HIGD1C: variants seen among roughly 807,000 people sequenced by gnomAD.
The protein encoded by HIGD1C is HIG1 hypoxia inducible domain family member 1C.
In HIGD1C, 11 loss-of-function variants were observed where a neutral mutation model predicts 13.1. The ratio of observed to expected loss-of-function variants is 0.84; its 90% CI spans 0.53 to 1.39. The LOEUF (loss-of-function observed/expected upper bound fraction) is 1.39, where lower values mean the gene tolerates loss of function less well. Ranked by LOEUF, HIGD1C falls within the 40% of genes most tolerant of loss-of-function variation. The pLI is 0.00. For missense variants in HIGD1C, 110 were observed against 112.0 expected, an observed-to-expected ratio of 0.98 and a Z score of 0.08; for synonymous variants, 36 against 37.7, an observed-to-expected ratio of 0.95 and a Z score of 0.17.
At chr12:50,937,819 T>C in the HIGD1C span, among the ~76,000 whole-genome samples, 1 of 152,142 alleles carries the variant, frequency 6.6e-6, no homozygotes, top group Non-Finnish European at 1.5e-5. Context: ...GTAGCTGCTA[T>C]CTGCAGGCAG....
At chr12:50,950,748 C>T (rs2139775086), upstream of HIGD1C, among the ~76,000 whole-genome samples, 1 of 146,562 alleles carries the variant, frequency 6.8e-6, no homozygotes, top group African/African-American at 2.5e-5. Context: ...GCCATCTCAG[C>T]TCAGTGCAAC....
chr12:50,970,493 A>G, exon 3 of HIGD1C: 1 of 1,531,366 alleles, frequency 6.5e-7, no homozygotes, highest in South Asian at 1.2e-5. Flanking sequence ...TTCTTCAGTG[A>G]GTCCAAAAAA....
At chr12:50,942,178 G>A in the HIGD1C span, among the ~76,000 whole-genome samples, 1 of 152,102 alleles carries the variant, frequency 6.6e-6, no homozygotes, top group African/African-American at 2.4e-5. Flanking sequence ...CACCGCACCC[G>A]GCCCATGTTC....
downstream of HIGD1C, among the ~76,000 whole-genome samples, chr12:50,971,562 A>G (rs1939762073): frequency 2.0e-5 from 3 of 152,212 alleles, no homozygotes; most frequent in Admixed American, 1.3e-4. Flanking sequence ...ACCAAAGCAG[A>G]TGTTAAAGGT....
chr12:50,939,587 G>A, the HIGD1C span, among the ~76,000 whole-genome samples: 2 of 152,166 alleles, frequency 1.3e-5, no homozygotes, highest in Non-Finnish European at 2.9e-5. Flanking sequence ...GCTTTGTGGT[G>A]CAGTGGAAAA....
At chr12:50,933,332 GAGAA>G in the HIGD1C span, among the ~76,000 whole-genome samples, 1 of 152,108 alleles carries the variant, frequency 6.6e-6, no homozygotes, top group Admixed American at 6.5e-5. Flanking sequence ...GTGCAAAAGG[GAGAA>G]AGAAAAAAAG....
At chr12:50,952,554 C>T (rs1485180965), upstream of HIGD1C, among the ~76,000 whole-genome samples, 1 of 152,174 alleles carries the variant, frequency 6.6e-6, no homozygotes, top group Non-Finnish European at 1.5e-5. Context: ...ACCACCGACC[C>T]ACCTCAAGAG....
intron 2 of HIGD1C, 103 bp from the exon 5 acceptor site, chr12:50,970,339 C>A: frequency 1.4e-6 from 1 of 710,200 alleles, no homozygotes; most frequent in Non-Finnish European, 2.5e-6. Flanking sequence ...TTGTTTGTTT[C>A]TGTTTAAATT....
the HIGD1C span, among the ~76,000 whole-genome samples, chr12:50,944,686 A>G: frequency 6.6e-6 from 1 of 152,180 alleles, no homozygotes; most frequent in African/African-American, 2.4e-5. Flanking sequence ...CAGGAGTTTG[A>G]GACCAGCCTG....
At chr12:50,955,670 T>C (rs2139787850) in intron 1 of HIGD1C, among the ~76,000 whole-genome samples, 1 of 152,338 alleles carries the variant, frequency 6.6e-6, no homozygotes, top group African/African-American at 2.4e-5. Flanking sequence ...AATTTTACTT[T>C]ACAGTAATAT....
upstream of HIGD1C, among the ~76,000 whole-genome samples, chr12:50,950,076 T>G (rs903761955): frequency 6.6e-6 from 1 of 152,214 alleles, no homozygotes; most frequent in South Asian, 2.1e-4. Flanking sequence ...TGGAGCCTAT[T>G]TGGCATTCCA....
At chr12:50,936,253 T>G in the HIGD1C span, among the ~76,000 whole-genome samples, 1 of 152,060 alleles carries the variant, frequency 6.6e-6, no homozygotes, top group South Asian at 2.1e-4. Context: ...TAATTTCCAT[T>G]TCTTAAGTAT....
At chr12:50,958,570 C>T (rs73090655) in intron 1 of HIGD1C, among the ~76,000 whole-genome samples, 22,106 of 151,484 alleles carry the variant, frequency 0.15, 1,856 homozygotes, top group South Asian at 0.26. Context: ...CGTGAGCCAC[C>T]GCGCCCGGCC....
the HIGD1C span, among the ~76,000 whole-genome samples, chr12:50,942,381 G>A: frequency 6.6e-6 from 1 of 152,080 alleles, no homozygotes; most frequent in African/African-American, 2.4e-5. Context: ...AGTCAGATGT[G>A]GTCTCATCCT....
In HIGD1C at chr12:50,961,117, T is replaced by C. The variant is rs1939311837; in HGVS notation, c.229+15T>C. 2 of 1,612,964 alleles carry C rather than the reference T, an allele frequency of 1.2e-6. No individual in the cohort carries two copies. Among genetic ancestry groups the C allele is most frequent in the African/African-American group, 1.3e-5 (1 of 74,876 alleles). On this transcript the variant is annotated intron_variant, in intron 2 of 2. Coordinates refer to ENST00000398455, the Ensembl canonical transcript of HIGD1C. Reference sequence around the variant, plus strand: ...TGTGACTCTAGGTAACCCGCTTAATTTGTATCTTATGTTCAGCTGTCTTTG... The same window carrying C: ...TGTGACTCTAGGTAACCCGCTTAATCTGTATCTTATGTTCAGCTGTCTTTG...
At chr12:50,967,392 T>C (rs1939580973) in intron 2 of HIGD1C, among the ~76,000 whole-genome samples, 1 of 152,102 alleles carries the variant, frequency 6.6e-6, no homozygotes, top group Non-Finnish European at 1.5e-5. Flanking sequence ...AATGGTCCAC[T>C]TGCCTCAGCC....
At chr12:50,961,786 G>A (rs541541160) in intron 2 of HIGD1C, among the ~76,000 whole-genome samples, 2 of 152,132 alleles carry the variant, frequency 1.3e-5, no homozygotes, top group Admixed American at 6.6e-5. Flanking sequence ...CCTTCATGAC[G>A]TGCAGAGTGG....
At chr12:50,942,033 A>G in the HIGD1C span, among the ~76,000 whole-genome samples, 1 of 152,168 alleles carries the variant, frequency 6.6e-6, no homozygotes, top group African/African-American at 2.4e-5. Flanking sequence ...GATGTGCGCC[A>G]CCATACCAGG....
At chr12:50,956,919 G>T (rs1162601809) in intron 1 of HIGD1C, among the ~76,000 whole-genome samples, 1 of 151,714 alleles carries the variant, frequency 6.6e-6, no homozygotes, top group Non-Finnish European at 1.5e-5. Flanking sequence ...TTTCTAGAAG[G>T]ACTTGGCCAA....
Sources: gnomAD v4.1 joint callset for allele counts (sites outside exome capture counted in the v4.1 genomes callset) on GRCh38, gnomAD v4.1.1 for gene constraint, MANE v1.5 for transcripts, NCBI Gene and HGNC (gene_info 2026-07-23, HGNC 2026-07-21) for gene names.